The following ABCA13 variants were observed in gnomAD, a reference collection of about 807,000 sequenced individuals.
The protein encoded by ABCA13 is ATP-binding cassette sub-family A member 13.
In ABCA13, 476 loss-of-function variants were observed where a neutral mutation model predicts 478.7. That is an observed-to-expected ratio of 0.99 (90% CI 0.92 to 1.07). The LOEUF is 1.07. ABCA13 is among the 50% of genes least tolerant of loss of function. The pLI, the probability that ABCA13 is intolerant of heterozygous loss-of-function variation, is 0.00. For synonymous variants in ABCA13, 2,252 were observed against 2,158.9 expected (o/e 1.04, Z -1.20); for missense variants, 6,060 against 5,910.6 (o/e 1.03, Z -0.83).
At chr7:48,500,756 G>A (rs1456256773) in intron 48 of ABCA13, among the ~76,000 whole-genome samples, 2 of 152,112 alleles carry the variant, frequency 1.3e-5, no homozygotes. Context: ...AGCCCTGTAG[G>A]ACTGTACTTT....
intron 41 of ABCA13, among the ~76,000 whole-genome samples, chr7:48,415,722 A>T (rs1298466326): frequency 6.6e-6 from 1 of 152,206 alleles, no homozygotes; most frequent in Non-Finnish European, 1.5e-5. Context: ...ATATTTTATG[A>T]ATTTAAATAT....
intron 41 of ABCA13, among the ~76,000 whole-genome samples, chr7:48,418,927 G>A (rs1820381724): frequency 6.6e-6 from 1 of 152,178 alleles, no homozygotes; most frequent in African/African-American, 2.4e-5. Context: ...AAGAAAAGAG[G>A]TTTAATTGGC....
Position 48,274,480 on chromosome 7 carries a change from C to A in ABCA13, c.4814C>A (p.Ala1605Asp), listed in dbSNP as rs1166250395. The change falls in exon 17 of 62, where the codon GCC (alanine) becomes GAC (aspartate). Residue 1605 changes from alanine (A) to aspartate (D), a missense_variant. Ala to Asp is a moderately radical substitution (Grantham distance 126). Around this residue, in one of 3 missense-constraint regions of ABCA13, gnomAD observed 4,423 missense variants for 4,309.1 expected, o/e 1.03. Transcript: ENST00000435803. ...NSIYHLASYL[A>D]FSLSHDLQNS... ...ATTTATCACTTAGCTAGTTACCTTGCCTTCAGCTTATCTCATGACCTCCAA... is the reference window on the plus strand; with the variant it reads ...ATTTATCACTTAGCTAGTTACCTTGACTTCAGCTTATCTCATGACCTCCAA... 6.2e-7 allele frequency: 1 copy of A among 1,613,804 alleles called. No individual in the cohort carries two copies.
At position 48,647,305 on chromosome 7, in the gene ABCA13, A is replaced by C. The variant is rs563945296; in HGVS notation, c.*1793A>C. ...TGAGCAATTTTGATTCCCATGTATC[A>C]CATGAATTACACTTCCTTAAATAAA... On this transcript the variant is annotated 3_prime_UTR_variant, in exon 62 of 62. Transcript: ENST00000435803. 2.0e-5 allele frequency: 3 copies of C among 152,340 alleles called. No homozygotes were observed. The highest frequency in any genetic ancestry group is 7.2e-5 in the African/African-American group (3 of 41,576). The allele number at this position is 152,340 out of a possible 1,614,324, so 9.4% of individuals were successfully genotyped here.
At chr7:48,340,762 T>A (rs1449617363) in intron 29 of ABCA13, among the ~76,000 whole-genome samples, 2 of 152,212 alleles carry the variant, frequency 1.3e-5, no homozygotes, top group Non-Finnish European at 2.9e-5. Flanking sequence ...ACACTACTTT[T>A]GAATAAGTTT....
intron 41 of ABCA13, among the ~76,000 whole-genome samples, chr7:48,422,762 G>T (rs751300784): frequency 6.6e-6 from 1 of 152,210 alleles, no homozygotes; most frequent in Non-Finnish European, 1.5e-5. Context: ...TGGGACTGTG[G>T]CAGGAGATAT....
chr7:48,596,958 CTT>C (rs538438745), intron 58 of ABCA13, among the ~76,000 whole-genome samples: 1 of 146,694 alleles, frequency 6.8e-6, no homozygotes, highest in Non-Finnish European at 1.5e-5. Flanking sequence ...TATCATAACA[CTT>C]TTTTTTTTTG....
At chr7:48,357,170 TA>T (rs201045629) in intron 31 of ABCA13, among the ~76,000 whole-genome samples, 2 of 151,534 alleles carry the variant, frequency 1.3e-5, no homozygotes, top group East Asian at 1.9e-4. Flanking sequence ...AATTCCTGCT[TA>T]AAAAAAAATC....
At chr7:48,600,286 C>T (rs1197792463) in intron 58 of ABCA13, among the ~76,000 whole-genome samples, 5 of 150,322 alleles carry the variant, frequency 3.3e-5, no homozygotes, top group Admixed American at 6.6e-5. Context: ...TATTCTTTTA[C>T]TTTCAAATAA....
intron 27 of ABCA13, among the ~76,000 whole-genome samples, chr7:48,329,911 A>G (rs1804966927): frequency 6.6e-6 from 1 of 151,896 alleles, no homozygotes; most frequent in Non-Finnish European, 1.5e-5. Context: ...CTATCCACCC[A>G]TTCATTCATC....
chr7:48,524,505 G>A (rs1028740165), intron 54 of ABCA13, 65 bp downstream of exon 54: 2 of 1,394,820 alleles, frequency 1.4e-6, no homozygotes, highest in Non-Finnish European at 1.9e-6. Context: ...TAGCTGATCT[G>A]CTTGTGTTAG....
At chr7:48,495,240 A>G (rs1475257393) in intron 48 of ABCA13, among the ~76,000 whole-genome samples, 1 of 152,172 alleles carries the variant, frequency 6.6e-6, no homozygotes, top group Non-Finnish European at 1.5e-5. Flanking sequence ...CAAAGGAATA[A>G]AAATAAGACT....
At chr7:48,511,798 G>C (rs1366559544) in intron 51 of ABCA13, among the ~76,000 whole-genome samples, 1 of 151,988 alleles carries the variant, frequency 6.6e-6, no homozygotes, top group African/African-American at 2.4e-5. Flanking sequence ...CTTATATACA[G>C]GCTAACTACA....
intron 6 of ABCA13, among the ~76,000 whole-genome samples, chr7:48,229,060 A>G (rs917982000): frequency 6.6e-6 from 1 of 152,196 alleles, no homozygotes; most frequent in Non-Finnish European, 1.5e-5. Flanking sequence ...GCTTCAATAC[A>G]CAAAGTTGTC....
At chr7:48,240,812 T>C in intron 9 of ABCA13, 55 bp from the exon 10 acceptor site, 11 of 1,395,734 alleles carry the variant, frequency 7.9e-6, no homozygotes, top group Non-Finnish European at 1.0e-5. Flanking sequence ...AACTAAATAC[T>C]GTTCTTTCCA....
In ABCA13 at chr7:48,547,120, A is replaced by G. The variant is rs1386439267; in HGVS notation, c.14354+18775A>G. 4.6e-5 allele frequency among the ~76,000 whole-genome samples: 7 copies of G among 152,034 alleles called. 1 individual carries two copies. Among genetic ancestry groups the G allele is most frequent in the South Asian group, 2.1e-4 (1 of 4,822 alleles). On this transcript the variant is annotated intron_variant, in intron 55 of 61. Coordinates refer to ENST00000435803, the MANE Select transcript of ABCA13 (RefSeq NM_152701.5). ...GTATCAATTATCTGTCTGCATGTACACATGCTTGCATGTACATATACACAA... is the reference window on the plus strand; with the variant it reads ...GTATCAATTATCTGTCTGCATGTACGCATGCTTGCATGTACATATACACAA...
intron 47 of ABCA13, among the ~76,000 whole-genome samples, chr7:48,486,023 A>T (rs1394036201): frequency 6.6e-6 from 1 of 152,144 alleles, no homozygotes; most frequent in East Asian, 1.9e-4. Context: ...TACATTTTAC[A>T]TGTATTCCAG....
intron 6 of ABCA13, 81 bp downstream of exon 6, chr7:48,227,506 T>G: frequency 6.8e-7 from 1 of 1,476,044 alleles, no homozygotes; most frequent in Non-Finnish European, 9.2e-7. Context: ...TAAAAATTAC[T>G]AATTGTTGGA....
At chr7:48,221,183 T>C in intron 4 of ABCA13, 98 bp from the exon 5 acceptor site, 1 of 622,626 alleles carries the variant, frequency 1.6e-6, no homozygotes, top group Non-Finnish European at 2.9e-6. Context: ...CCAGGGCTCT[T>C]GGATACTCCA....
Sources: allele counts gnomAD v4.1 joint callset (sites outside exome capture counted in the v4.1 genomes callset), GRCh38; gene constraint gnomAD v4.1.1; regional missense constraint gnomAD v4.1.1; transcripts MANE v1.5; gene names NCBI Gene and HGNC (gene_info 2026-07-23, HGNC 2026-07-21).